The following MIS18BP1 variants were observed in gnomAD, a reference collection of about 807,000 sequenced individuals.
MIS18BP1 encodes the protein MIS18 binding protein 1, also known as mis18-binding protein 1.
A neutral mutation model predicts 116.1 loss-of-function variants in MIS18BP1; 72 were observed. That is an observed-to-expected ratio of 0.62 (90% CI 0.51 to 0.75). The LOEUF is 0.75. Among genes scored for constraint, MIS18BP1 ranks in the 30% least tolerant of loss-of-function variants. The pLI is 0.00. For missense variants in MIS18BP1, 1,363 were observed against 1,303.2 expected (o/e 1.05, Z -0.71); for synonymous variants, 386 against 427.0 (o/e 0.90, Z 1.18).
chr14:45,249,872 T>C (rs1891821819), intron 1 of MIS18BP1, among the ~76,000 whole-genome samples: 1 of 152,146 alleles, frequency 6.6e-6, no homozygotes, highest in South Asian at 2.1e-4. Context: ...AGACTCCAAC[T>C]GAAAATAATA....
intron 4 of MIS18BP1, among the ~76,000 whole-genome samples, chr14:45,239,240 T>A (rs987868322): frequency 2.6e-5 from 4 of 152,080 alleles, no homozygotes; most frequent in African/African-American, 9.7e-5. Context: ...AACATTCTTG[T>A]GTGTGTGTTA....
chr14:45,240,628 T>C (rs1891550638), intron 4 of MIS18BP1, among the ~76,000 whole-genome samples: 1 of 152,042 alleles, frequency 6.6e-6, no homozygotes, highest in Non-Finnish European at 1.5e-5. Context: ...CAAAAAGTAG[T>C]GTAGCAGCTG....
Position 45,226,783 on chromosome 14 carries a change from A to G in MIS18BP1, c.1800T>C (p.Gly600=). 7.1e-7 allele frequency: 1 copy of G among 1,413,026 alleles called. No homozygotes were observed. The allele number at this position is 1,413,026 out of a possible 1,614,324, so 87.5% of individuals were successfully genotyped here. The change falls in exon 10 of 17, where the codon GGT becomes GGC. Residue 600 remains glycine, a synonymous_variant. Transcript: ENST00000310806. ...TTATTATCCTTTCATTTGTTCTTTC[A>G]CCAATTTTTAGTTTCTTTGAAGACA... is the stretch of plus-strand genomic sequence containing the variant. ...YKMSSKKLKI[G]ERTNERIIKS... is the part of the protein sequence containing the mutation.
At chr14:45,252,369 GTAAC>G (rs1566826644) in intron 1 of MIS18BP1, among the ~76,000 whole-genome samples, 1 of 152,112 alleles carries the variant, frequency 6.6e-6, no homozygotes, top group East Asian at 1.9e-4. Flanking sequence ...GAAAAAGAAA[GTAAC>G]AACATAGAAT....
chr14:45,246,657 C>G, intron 2 of MIS18BP1, 86 bp downstream of exon 2: 2 of 1,271,660 alleles, frequency 1.6e-6, no homozygotes, highest in Non-Finnish European at 1.1e-6. Context: ...ATTTTGTTCA[C>G]TGCTATATTC....
chr14:45,223,811 T>A, intron 11 of MIS18BP1, 107 bp downstream of exon 11: 1 of 780,468 alleles, frequency 1.3e-6, no homozygotes, highest in East Asian at 2.8e-5. Context: ...AATTTCTCCC[T>A]TTTTTTTAAT....
chr14:45,205,130 G>A (rs1033728753), intron 15 of MIS18BP1, among the ~76,000 whole-genome samples: 1 of 152,086 alleles, frequency 6.6e-6, no homozygotes, highest in Non-Finnish European at 1.5e-5. Flanking sequence ...AGCCCTTAGA[G>A]TAAGTACTGT....
chr14:45,238,461 T>C (rs1270072442), intron 4 of MIS18BP1, among the ~76,000 whole-genome samples: 1 of 152,228 alleles, frequency 6.6e-6, no homozygotes, highest in African/African-American at 2.4e-5. Context: ...GTGGTAGTTT[T>C]ATACTGAGTC....
At position 45,224,364 on chromosome 14, in the gene MIS18BP1, A is replaced by G. The variant is rs545414576; in HGVS notation, c.2223T>C (p.Phe741=). The G allele has an allele frequency of 1.2e-6, 2 of 1,613,400 alleles. No individual in the cohort carries two copies. The highest frequency in any genetic ancestry group is 2.2e-5 in the East Asian group (1 of 44,866). Residue 741 remains phenylalanine, a synonymous_variant, in exon 11 of 17, where the codon TTT becomes TTC. Transcript: ENST00000310806. ...LEKEQMLTSD[F]KKNTRLLPKL... ...TTGGTAATAGTCTGGTATTTTTCTT[A>G]AAGTCAGAGGTGAGCATTTGTTCCT... is the stretch of plus-strand genomic sequence containing the variant.
Position 45,242,034 on chromosome 14 carries a change from C to G in MIS18BP1, c.1143G>C (p.Gln381His), listed in dbSNP as rs1475048610. Reference sequence around the variant, plus strand: ...ATATCTGTCTTAAAAGTTTTCCCACCTGATTTTTTTTAAGTCCATTTGTAA... The same window carrying G: ...ATATCTGTCTTAAAAGTTTTCCCACGTGATTTTTTTTAAGTCCATTTGTAA... ...QTVTNGLKKN[Q>H]VVQLQEWMIK... Residue 381 changes from glutamine to histidine, a missense_variant and splice_region_variant, in exon 4 of 17, where the codon CAG (glutamine) becomes CAC (histidine). Coordinates refer to ENST00000310806, the MANE Select transcript of MIS18BP1 (RefSeq NM_018353.5). 3.8e-6 allele frequency: 6 copies of G among 1,592,832 alleles called. No individual in the cohort carries two copies. The highest frequency in any genetic ancestry group is 5.1e-6 in the Non-Finnish European group (6 of 1,170,870).
At chr14:45,240,828 G>A (rs1007905466) in intron 4 of MIS18BP1, among the ~76,000 whole-genome samples, 2 of 152,124 alleles carry the variant, frequency 1.3e-5, no homozygotes, top group African/African-American at 4.8e-5. Flanking sequence ...CATGAACCTG[G>A]AAGGCGGAGG....
chr14:45,253,022 G>C lies in MIS18BP1; in HGVS notation c.-92+13C>G, dbSNP rs760030631. 3.3e-5 allele frequency: 5 copies of C among 152,274 alleles called. No homozygotes were observed. The highest frequency in any genetic ancestry group is 6.5e-5 in the Admixed American group (1 of 15,290). The allele number at this position is 152,274 out of a possible 1,614,324, so 9.4% of individuals were successfully genotyped here. On this transcript the variant is annotated intron_variant, in intron 1 of 16. Coordinates refer to ENST00000310806, the MANE Select transcript of MIS18BP1 (RefSeq NM_018353.5). ...GCGGTAGGAGGTTAGCGGAGGGCGCGGGGAGGACGTACCTTGGATGAAGAG... is the reference window on the plus strand; with the variant it reads ...GCGGTAGGAGGTTAGCGGAGGGCGCCGGGAGGACGTACCTTGGATGAAGAG...
Position 45,246,886 on chromosome 14 carries a change from C to T in MIS18BP1, c.401G>A (p.Ser134Asn). ...ACTTTTCTGTGGTTCCAACAAACTA[C>T]TGTTTCTTGATGGCTGTTCTTGCTT... is the stretch of plus-strand genomic sequence containing the variant. ...RDKQEQPSRN[S>N]SLLEPQKSGN... The change falls in exon 2 of 17, where the codon AGT (serine) becomes AAT (asparagine). Residue 134 changes from serine (S) to asparagine (N), a missense_variant. By Grantham distance (46) the Ser-to-Asn change is conservative (BLOSUM62 1). Coordinates refer to ENST00000310806, the MANE Select transcript of MIS18BP1 (RefSeq NM_018353.5). The T allele has an allele frequency of 6.2e-7, 1 of 1,612,588 alleles. No homozygotes were observed. Among genetic ancestry groups the T allele is most frequent in the Non-Finnish European group, 8.5e-7 (1 of 1,179,710 alleles).
intron 8 of MIS18BP1, among the ~76,000 whole-genome samples, chr14:45,229,448 G>A (rs1038248198): frequency 1.3e-4 from 20 of 151,082 alleles, no homozygotes; most frequent in Admixed American, 1.3e-3. Flanking sequence ...AGGCTGCAGT[G>A]AGCCATGATT....
At chr14:45,227,565 A>C (rs1389318812) in intron 9 of MIS18BP1, 98 bp downstream of exon 9, 4 of 1,042,754 alleles carry the variant, frequency 3.8e-6, no homozygotes, top group Non-Finnish European at 5.4e-6. Flanking sequence ...AAAAAAAAAA[A>C]CAGAACTCAC....
rs1566821387 is a variant in MIS18BP1, at chr14:45,242,840, A to G, written c.579T>C (p.Asn193=). ...SVQGVPLESS[N]NDIFLPVKQK... is the part of the protein sequence containing the mutation. ...GTTTGACCGGGAGGAAAATATCATT[A>G]TTTGATGATTCTAGAGGAACTCCTT... Residue 193 remains asparagine (N), a synonymous_variant, in exon 3 of 17, where the codon AAT becomes AAC. Transcript: ENST00000310806. 2 of 1,613,022 alleles carry G rather than the reference A, an allele frequency of 1.2e-6. No homozygotes were observed. The highest frequency in any genetic ancestry group is 2.7e-5 in the African/African-American group (2 of 74,864).
chr14:45,206,128 A>G lies in MIS18BP1; in HGVS notation c.3195T>C (p.His1065=), dbSNP rs1316726007. The G allele has an allele frequency of 1.9e-6, 3 of 1,609,162 alleles. No individual in the cohort carries two copies. The highest frequency in any genetic ancestry group is 2.6e-6 in the Non-Finnish European group (3 of 1,176,358). Residue 1065 remains histidine, a synonymous_variant, in exon 15 of 17, where the codon CAT becomes CAC. Transcript: ENST00000310806. ...DKYVFRMQKY[H]KSNGGIVWGN... is the part of the protein sequence containing the mutation. The stretch of plus-strand genomic sequence containing the variant: ...CCCAGACAATACCACCATTACTTTT[A>G]TGATATTTTTGCATACGAAAAACAT...
intron 8 of MIS18BP1, among the ~76,000 whole-genome samples, chr14:45,230,088 C>T (rs892867197): frequency 6.6e-6 from 1 of 152,144 alleles, no homozygotes; most frequent in Non-Finnish European, 1.5e-5. Flanking sequence ...CAGTATGGTG[C>T]TATGTTTTTG....
chr14:45,248,664 T>C (rs886671779), intron 1 of MIS18BP1, among the ~76,000 whole-genome samples: 3 of 152,074 alleles, frequency 2.0e-5, no homozygotes. Context: ...AAATAAGCAA[T>C]TAATATACAA....
Sources: gnomAD v4.1 joint callset for allele counts (sites outside exome capture counted in the v4.1 genomes callset) on GRCh38, gnomAD v4.1.1 for gene constraint, MANE v1.5 for transcripts, NCBI Gene and HGNC (gene_info 2026-07-23, HGNC 2026-07-21) for gene names.